GLIS3: variants seen among roughly 807,000 people sequenced by gnomAD.
The protein encoded by GLIS3 is GLIS family zinc finger 3.
In GLIS3, 53 loss-of-function variants were observed where a neutral mutation model predicts 78.6. The ratio of observed to expected loss-of-function variants is 0.67; its 90% CI spans 0.54 to 0.85. GLIS3 has a LOEUF of 0.85. Ranked by LOEUF, GLIS3 falls within the 40% of genes least tolerant of loss-of-function variation. The pLI, the probability that GLIS3 is intolerant of heterozygous loss-of-function variation, is 0.00. For missense variants in GLIS3, 1,703 were observed against 1,231.1 expected (o/e 1.38, Z -5.74); for synonymous variants, 684 against 509.9 (o/e 1.34, Z -4.60).
chr9:4,376,216 C>T, the GLIS3 span, among the ~76,000 whole-genome samples: 1 of 152,100 alleles, frequency 6.6e-6, no homozygotes, highest in South Asian at 2.1e-4. Flanking sequence ...CAAATGGTTC[C>T]TTTCAGGGGA....
intron 8 of GLIS3, among the ~76,000 whole-genome samples, chr9:3,858,151 G>C (rs1397351299): frequency 6.6e-6 from 1 of 152,138 alleles, no homozygotes; most frequent in East Asian, 1.9e-4. Flanking sequence ...CTGTTTCCTA[G>C]GTTGTAAATC....
intron 2 of GLIS3, among the ~76,000 whole-genome samples, chr9:4,211,565 G>A (rs779386566): frequency 6.6e-5 from 10 of 152,220 alleles, no homozygotes; most frequent in Non-Finnish European, 1.3e-4. Flanking sequence ...GCTGCCGCAT[G>A]CATTCTTAGC....
chr9:3,912,132 G>A (rs1018181357), intron 6 of GLIS3, among the ~76,000 whole-genome samples: 1 of 152,116 alleles, frequency 6.6e-6, no homozygotes, highest in Non-Finnish European at 1.5e-5. Context: ...TAACTCCGTA[G>A]GCTTGTAACA....
intron 4 of GLIS3, among the ~76,000 whole-genome samples, chr9:3,970,010 G>A (rs1226678713): frequency 6.6e-6 from 1 of 152,200 alleles, no homozygotes; most frequent in Non-Finnish European, 1.5e-5. Context: ...GTCATTTCAT[G>A]TTCCAAGTGA....
intron 4 of GLIS3, among the ~76,000 whole-genome samples, chr9:3,990,052 T>G (rs1343230782): frequency 6.6e-6 from 1 of 152,244 alleles, no homozygotes; most frequent in Non-Finnish European, 1.5e-5. Flanking sequence ...AATTTACAAT[T>G]ATCTCAACAA....
At chr9:4,197,929 GGAAAGGGAGAGGGAAAGA>G (rs1819015047) in intron 2 of GLIS3, among the ~76,000 whole-genome samples, 2 of 149,314 alleles carry the variant, frequency 1.3e-5, no homozygotes, top group African/African-American at 4.9e-5. Context: ...GAGGGGAAAG[GGAAAGGGAGAGGGAAAGA>G]GAAAGAGACA....
chr9:4,439,501 G>A, the GLIS3 span, among the ~76,000 whole-genome samples: 1 of 151,944 alleles, frequency 6.6e-6, no homozygotes, highest in African/African-American at 2.4e-5. Flanking sequence ...CCTATTCTGG[G>A]CAAAAATTTT....
intron 6 of GLIS3, among the ~76,000 whole-genome samples, chr9:3,913,392 C>T (rs1166561562): frequency 6.6e-6 from 1 of 152,198 alleles, no homozygotes; most frequent in Non-Finnish European, 1.5e-5. Flanking sequence ...GTGACTCTCC[C>T]CTAAACATTA....
chr9:4,116,834 A>G (rs1242087889), intron 4 of GLIS3, among the ~76,000 whole-genome samples: 2 of 152,216 alleles, frequency 1.3e-5, no homozygotes, highest in Non-Finnish European at 2.9e-5. Flanking sequence ...CTGTCCATCT[A>G]AACTAATATA....
the GLIS3 span, among the ~76,000 whole-genome samples, chr9:4,453,676 G>C: frequency 2.0e-5 from 3 of 152,276 alleles, no homozygotes; most frequent in East Asian, 5.8e-4. Context: ...CCATAAACAA[G>C]GATGAGTTCA....
chr9:4,489,723 T>C, the GLIS3 span, among the ~76,000 whole-genome samples: 133 of 152,232 alleles, frequency 8.7e-4, 2 homozygotes, highest in Non-Finnish European at 1.4e-3. Flanking sequence ...CGGTTCTCAG[T>C]TCTAATCACT....
intron 2 of GLIS3, among the ~76,000 whole-genome samples, chr9:4,256,036 A>G (rs1330071239): frequency 6.6e-6 from 1 of 150,756 alleles, no homozygotes; most frequent in East Asian, 1.9e-4. Flanking sequence ...AACTAAGTCT[A>G]TTTTTTTTTT....
At chr9:4,408,866 G>C in the GLIS3 span, among the ~76,000 whole-genome samples, 1,248 of 151,954 alleles carry the variant, frequency 8.2e-3, 12 homozygotes, top group Non-Finnish European at 0.013. Flanking sequence ...TGTAACATGG[G>C]ATAAATGCTT....
In GLIS3 at chr9:4,116,859, C is replaced by T. The variant is rs140101625; in HGVS notation, c.1710+909G>A. 4.3e-3 allele frequency among the ~76,000 whole-genome samples: 653 copies of T among 152,286 alleles called. 5 individuals carry two copies. The highest frequency in any genetic ancestry group is 4.0e-3 in the Non-Finnish European group (275 of 68,028). On this transcript the variant is annotated intron_variant, in intron 4 of 10. Transcript: ENST00000381971. ...AAACTAATATAAAACACATGTTCTT[C>T]TTTTTCCAATACTTAAGTGAGCTGT...
At chr9:4,476,356 TTTTTTGTTTTTG>T in the GLIS3 span, among the ~76,000 whole-genome samples, 4 of 152,070 alleles carry the variant, frequency 2.6e-5, no homozygotes, top group Middle Eastern at 3.4e-3. Context: ...TCAGTGGGGT[TTTTTTGTTTTTG>T]TTTTTGTTTT....
At chr9:4,203,959 T>C (rs1819625852) in intron 2 of GLIS3, among the ~76,000 whole-genome samples, 1 of 152,018 alleles carries the variant, frequency 6.6e-6, no homozygotes, top group Non-Finnish European at 1.5e-5. Flanking sequence ...ACTACTACAG[T>C]GGGGAAAGAG....
At chr9:4,431,218 C>T in the GLIS3 span, among the ~76,000 whole-genome samples, 1 of 152,168 alleles carries the variant, frequency 6.6e-6, no homozygotes, top group East Asian at 1.9e-4. Context: ...TTTAAAAGGC[C>T]TTTGATGCCA....
chr9:4,398,362 G>A, the GLIS3 span, among the ~76,000 whole-genome samples: 7 of 151,958 alleles, frequency 4.6e-5, no homozygotes, highest in East Asian at 3.9e-4. Context: ...ACTCCACCCC[G>A]TATCTATGGA....
intron 2 of GLIS3, among the ~76,000 whole-genome samples, chr9:4,222,467 T>C (rs905250080): frequency 6.6e-6 from 1 of 152,178 alleles, no homozygotes; most frequent in African/African-American, 2.4e-5. Context: ...CCCCCTGTGT[T>C]TACCTGACCC....
Sources: allele counts gnomAD v4.1 joint callset (sites outside exome capture counted in the v4.1 genomes callset), GRCh38; gene constraint gnomAD v4.1.1; transcripts MANE v1.5; gene names NCBI Gene and HGNC (gene_info 2026-07-23, HGNC 2026-07-21).